Variants in RGPD4 observed in about 807,000 individuals in gnomAD.
The protein encoded by RGPD4 is RANBP2 like and GRIP domain containing 4.
RGPD4 carries 84 observed loss-of-function variants against 141.1 expected under a neutral mutation model. The ratio of observed to expected loss-of-function variants is 0.60; its 90% CI spans 0.50 to 0.71. The LOEUF (loss-of-function observed/expected upper bound fraction) is 0.71. RGPD4 is among the 30% of genes least tolerant of loss of function. RGPD4 has a pLI of 0.00. For synonymous variants in RGPD4, 298 were observed against 566.8 expected (o/e 0.53, Z 6.74); for missense variants, 918 against 1,622.4 (o/e 0.57, Z 7.46).
rs1164769158 is a variant in RGPD4 at position 107,828,004 on chromosome 2, C to G, written c.72+919C>G. Among the ~76,000 whole-genome samples the G allele has an allele frequency of 4.7e-4, 28 of 58,968 alleles. 2 individuals are homozygous for G. The East Asian group carries it at 0.01, about 21-fold the overall frequency. The allele number at this position is 58,968 out of a possible 152,430, so 38.7% of individuals were successfully genotyped here. A position where few individuals can be genotyped will look rare whatever the true frequency, so the allele number is the denominator to read the frequency against. On this transcript the variant is annotated intron_variant, in intron 1 of 22. Transcript: ENST00000408999. ...CGCTCTGTTGAGGCGGCGGCCTCGA[C>G]CCGGCCCGGCGGCGGCCGCGATGGC...
At chr2:107,876,509 A>C in intron 20 of RGPD4, among the ~76,000 whole-genome samples, 1 of 151,178 alleles carries the variant, frequency 6.6e-6, no homozygotes, top group Admixed American at 6.6e-5. Context: ...GAAACACTCA[A>C]GTGGCACTGA....
intron 9 of RGPD4, among the ~76,000 whole-genome samples, chr2:107,857,579 C>T (rs957581058): frequency 6.6e-6 from 1 of 151,504 alleles, no homozygotes; most frequent in African/African-American, 2.4e-5. Context: ...ACCATAGGCA[C>T]ATGCCACTCG....
chr2:107,871,704 A>C lies in RGPD4; in HGVS notation c.3700A>C (p.Thr1234Pro), dbSNP rs765477943. ...TACAGGTGCGGCCGGTGCCTCAGAC[A>C]CAACAATAAAACCCAATCCTGAAAA... is the stretch of plus-strand genomic sequence containing the variant. ...SGTGAAGASD[T>P]TIKPNPENTG... Residue 1234 changes from threonine (T) to proline (P), a missense_variant, in exon 20 of 23, where the codon ACA becomes CCA. Transcript: ENST00000408999. The C allele has an allele frequency of 1.2e-6, 2 of 1,610,396 alleles. No individual in the cohort carries two copies. Among genetic ancestry groups the C allele is most frequent in the Non-Finnish European group, 1.7e-6 (2 of 1,179,748 alleles).
At position 107,882,713 on chromosome 2, in the gene RGPD4, G is replaced by C. The variant is rs754753680; in HGVS notation, c.5106G>C (p.Glu1702Asp). 29 of 1,611,528 alleles carry C rather than the reference G, an allele frequency of 1.8e-5. No homozygotes were observed. The highest frequency in any genetic ancestry group is 2.3e-5 in the Non-Finnish European group (27 of 1,179,872). Residue 1702 changes from glutamate to aspartate, a missense_variant, in exon 22 of 23, where the codon GAG becomes GAC. Transcript: ENST00000408999. ...TAAGAAGATTGGAAAGGAATCAAGAGCAAGAGGAGTCTGCAGCTAACGTGG... is the reference window on the plus strand; with the variant it reads ...TAAGAAGATTGGAAAGGAATCAAGACCAAGAGGAGTCTGCAGCTAACGTGG... ...SEIRRLERNQ[E>D]QEESAANVEH...
chr2:107,827,033 A>T lies in RGPD4; in HGVS notation c.20A>T (p.Tyr7Phe). 13 of 1,599,936 alleles carry T rather than the reference A, an allele frequency of 8.1e-6. No individual in the cohort carries two copies. Among genetic ancestry groups the T allele is most frequent in the Non-Finnish European group, 1.1e-5 (13 of 1,174,700 alleles). Residue 7 changes from tyrosine (Y) to phenylalanine (F), a missense_variant, in exon 1 of 23, where the codon TAC becomes TTC. Physicochemically the swap from Tyr to Phe is conservative, Grantham distance 22. Coordinates refer to ENST00000408999, the MANE Select transcript of RGPD4 (RefSeq NM_182588.3). MSCSKA[Y>F]GERYVASVQG... ...GGCGCGATGAGTTGCAGCAAGGCCTACGGGGAGCGGTACGTCGCCTCCGTG... is the reference window on the plus strand; with the variant it reads ...GGCGCGATGAGTTGCAGCAAGGCCTTCGGGGAGCGGTACGTCGCCTCCGTG...
intron 21 of RGPD4, 34 bp downstream of exon 21, chr2:107,880,141 G>A (rs1469137000): frequency 1.2e-6 from 2 of 1,610,884 alleles, no homozygotes; most frequent in Non-Finnish European, 1.7e-6. Context: ...CATGAAAACT[G>A]CCAATTTGGT....
At chr2:107,844,993 G>A (rs949779085) in intron 6 of RGPD4, among the ~76,000 whole-genome samples, 7 of 141,530 alleles carry the variant, frequency 4.9e-5, no homozygotes, top group Middle Eastern at 3.3e-3. Context: ...ACACCACCAC[G>A]CCCAGCTAAT....
chr2:107,831,759 G>A (rs1391857380), intron 1 of RGPD4, among the ~76,000 whole-genome samples: 1 of 146,616 alleles, frequency 6.8e-6, no homozygotes, highest in Non-Finnish European at 1.5e-5. Context: ...TTTTAGTAGA[G>A]ACGGGGTTTC....
At chr2:107,883,141 G>A (rs1675415757) in intron 22 of RGPD4, 1 of 655,068 alleles carries the variant, frequency 1.5e-6, no homozygotes, top group Non-Finnish European at 2.8e-6. Flanking sequence ...TTTTATCCTG[G>A]TGTTGCGTTC....
Position 107,882,483 on chromosome 2 carries a change from G to A in RGPD4, c.5065-189G>A, listed in dbSNP as rs1401860891. Among the ~76,000 whole-genome samples, 6 of 149,934 alleles carry A rather than the reference G, an allele frequency of 4.0e-5. 1 individual carries two copies. The highest frequency in any genetic ancestry group is 3.9e-4 in the East Asian group (2 of 5,098). ...TTTTCATGTCAAATGGATTTTATAC[G>A]GTGATGTCATAAACTCCTTTGAAAT... On this transcript the variant is annotated intron_variant, in intron 21 of 22. Transcript: ENST00000408999.
chr2:107,854,337 G>A (rs1367888233), intron 7 of RGPD4, among the ~76,000 whole-genome samples: 1 of 151,682 alleles, frequency 6.6e-6, no homozygotes, highest in Non-Finnish European at 1.5e-5. Context: ...CAGAGTGTTG[G>A]GATTACAGGT....
In RGPD4 at chr2:107,882,851, A is replaced by G. The variant is rs534664774; in HGVS notation, c.5244A>G (p.Gly1748=). The stretch of plus-strand genomic sequence containing the variant: ...TGCAGCTCAGCCCTGAAGAAAAGGG[A>G]AAACTTGCTGCGGTTGCTCAAGGTG... The part of the protein sequence containing the change: ...TMLQLSPEEK[G]KLAAVAQGEE The change falls in exon 22 of 23, where the codon GGA becomes GGG. Residue 1748 remains glycine, a synonymous_variant. Coordinates refer to ENST00000408999, the MANE Select transcript of RGPD4 (RefSeq NM_182588.3). The G allele has an allele frequency of 8.9e-5, 143 of 1,609,358 alleles. No homozygotes were observed. In the Middle Eastern group the frequency reaches 3.6e-3, roughly 41 times the overall value.
At chr2:107,852,199 C>A (rs1019317748) in intron 7 of RGPD4, among the ~76,000 whole-genome samples, 3 of 141,674 alleles carry the variant, frequency 2.1e-5, no homozygotes, top group African/African-American at 8.0e-5. Context: ...CGAGATCGTG[C>A]CACTGCAGCA....
At chr2:107,844,990 C>T (rs7604303) in intron 6 of RGPD4, among the ~76,000 whole-genome samples, 28 of 139,972 alleles carry the variant, frequency 2.0e-4, no homozygotes, top group South Asian at 4.6e-4. Flanking sequence ...CGCACACCAC[C>T]ACGCCCAGCT....
chr2:107,831,639 G>T (rs1383571935), intron 1 of RGPD4, among the ~76,000 whole-genome samples: 1 of 120,804 alleles, frequency 8.3e-6, no homozygotes, highest in South Asian at 3.0e-4. Flanking sequence ...GTAGTGGCGC[G>T]ATCTCGGCTC....
At chr2:107,845,646 G>A (rs1433520383) in intron 6 of RGPD4, among the ~76,000 whole-genome samples, 2 of 152,280 alleles carry the variant, frequency 1.3e-5, no homozygotes, top group African/African-American at 2.4e-5. Context: ...TACCCGCCTT[G>A]TGAACCTCCC....
At chr2:107,844,826 T>TC (rs1394333189) in intron 6 of RGPD4, among the ~76,000 whole-genome samples, 16 of 84,818 alleles carry the variant, frequency 1.9e-4, no homozygotes, top group South Asian at 4.5e-4. Flanking sequence ...TTTCTTTCTT[T>TC]TTTGTTTTTT....
At position 107,871,944 on chromosome 2, in the gene RGPD4, A is replaced by G; in HGVS notation, c.3940A>G (p.Thr1314Ala). The change falls in exon 20 of 23, where the codon ACT becomes GCT. Residue 1314 changes from threonine (T) to alanine (A), a missense_variant. Physicochemically the swap from Thr to Ala is moderately conservative, Grantham distance 58 (BLOSUM62 0). Transcript: ENST00000408999. ...TCCTGCCAAGTTGAATCAGAGTGGGACTTCAGTTGGCACTGATGAAGAATC... is the reference window on the plus strand; with the variant it reads ...TCCTGCCAAGTTGAATCAGAGTGGGGCTTCAGTTGGCACTGATGAAGAATC... ...KSPAKLNQSGTSVGTDEESDV... is the reference protein window; with the variant it reads ...KSPAKLNQSGASVGTDEESDV... 1.9e-6 allele frequency: 3 copies of G among 1,611,516 alleles called. No homozygotes were observed. The highest frequency in any genetic ancestry group is 2.5e-6 in the Non-Finnish European group (3 of 1,179,838).
intron 1 of RGPD4, among the ~76,000 whole-genome samples, chr2:107,827,519 G>A (rs113113125): frequency 2.7e-5 from 1 of 37,506 alleles, no homozygotes; most frequent in Non-Finnish European, 5.5e-5. Context: ...CCCGGTGGCG[G>A]CCTCGATGGC....
Sources: gnomAD v4.1 joint callset for allele counts (sites outside exome capture counted in the v4.1 genomes callset) on GRCh38, gnomAD v4.1.1 for gene constraint, MANE v1.5 for transcripts, NCBI Gene and HGNC (gene_info 2026-07-23, HGNC 2026-07-21) for gene names.